DPYD: variants seen among roughly 807,000 people sequenced by gnomAD.
DPYD encodes the protein dihydropyrimidine dehydrogenase.
In DPYD, 109 loss-of-function variants were observed where a neutral mutation model predicts 116.2. That is an observed-to-expected ratio of 0.94 (90% CI 0.80 to 1.10). The LOEUF (loss-of-function observed/expected upper bound fraction) is 1.10, where lower values mean the gene tolerates loss of function less well. Among genes scored for constraint, DPYD ranks in the 50% least tolerant of loss-of-function variants. The probability of loss-of-function intolerance (pLI) is 0.00; values close to 1 mark genes in which losing one functional copy is unlikely to be tolerated. For missense variants in DPYD, 1,302 were observed against 1,254.5 expected (o/e 1.04, Z -0.57); for synonymous variants, 440 against 432.0 (o/e 1.02, Z -0.23).
At chr1:97,604,188 A>G (rs1655434039) in intron 8 of DPYD, among the ~76,000 whole-genome samples, 1 of 152,178 alleles carries the variant, frequency 6.6e-6, no homozygotes, top group South Asian at 2.1e-4. Flanking sequence ...GTTCAGAAGG[A>G]TAAGATCTCT....
At chr1:97,168,187 G>A (rs1291356060) in intron 20 of DPYD, among the ~76,000 whole-genome samples, 8 of 152,124 alleles carry the variant, frequency 5.3e-5, no homozygotes, top group African/African-American at 1.7e-4. Flanking sequence ...AGAATATTAT[G>A]AGGCTTTCTA....
intron 18 of DPYD, among the ~76,000 whole-genome samples, chr1:97,299,998 CAA>C (rs1283995671): frequency 6.6e-6 from 1 of 152,034 alleles, no homozygotes; most frequent in Non-Finnish European, 1.5e-5. Flanking sequence ...CTCTCTCAAC[CAA>C]AGTGATAATT....
chr1:97,101,336 T>C (rs1650666101), intron 20 of DPYD, among the ~76,000 whole-genome samples: 1 of 151,862 alleles, frequency 6.6e-6, no homozygotes, highest in Non-Finnish European at 1.5e-5. Flanking sequence ...GTCCTAAGGC[T>C]ATTTAAGTAC....
At chr1:97,820,296 C>T (rs1668856031) in intron 3 of DPYD, among the ~76,000 whole-genome samples, 1 of 152,114 alleles carries the variant, frequency 6.6e-6, no homozygotes, top group South Asian at 2.1e-4. Context: ...CTAATACACA[C>T]AGACGGGACA....
intron 19 of DPYD, among the ~76,000 whole-genome samples, chr1:97,228,496 A>G (rs999614679): frequency 2.0e-5 from 3 of 152,180 alleles, no homozygotes; most frequent in African/African-American, 7.2e-5. Context: ...TTGAGTGTAA[A>G]TCTTAATTTT....
At chr1:97,141,521 G>T (rs954218188) in intron 20 of DPYD, among the ~76,000 whole-genome samples, 4 of 151,944 alleles carry the variant, frequency 2.6e-5, no homozygotes, top group Non-Finnish European at 5.9e-5. Context: ...TCTCTAAAAG[G>T]TCCATACTCA....
chr1:97,242,110 G>A (rs1392844896), intron 18 of DPYD, among the ~76,000 whole-genome samples: 3 of 104,902 alleles, frequency 2.9e-5, no homozygotes, highest in Non-Finnish European at 5.6e-5. Flanking sequence ...AATTTGCAAC[G>A]TGTGTGTGCG....
At chr1:97,494,487 C>CT (rs1241939786) in intron 13 of DPYD, among the ~76,000 whole-genome samples, 1 of 152,162 alleles carries the variant, frequency 6.6e-6, no homozygotes, top group Non-Finnish European at 1.5e-5. Flanking sequence ...CAATTTCTGT[C>CT]TTTTTCCTCT....
chr1:97,131,270 C>T (rs1408516000), intron 20 of DPYD, among the ~76,000 whole-genome samples: 2 of 152,070 alleles, frequency 1.3e-5, no homozygotes, highest in African/African-American at 2.4e-5. Context: ...TTCATCTATT[C>T]TTAGTGAGTT....
chr1:97,749,699 T>C (rs1313472422), intron 3 of DPYD, among the ~76,000 whole-genome samples: 1 of 152,196 alleles, frequency 6.6e-6, no homozygotes, highest in African/African-American at 2.4e-5. Flanking sequence ...CCAATCATTT[T>C]ATAGTTACCA....
In DPYD at chr1:97,355,111, C is replaced by G. The variant is rs1341946656; in HGVS notation, c.2058+18450G>C. ...TTGGGATATATTTACATCATGATAA[C>G]TATACTTTTATTGCAATCACCTTAA... On this transcript the variant is annotated intron_variant, in intron 16 of 22. Coordinates refer to ENST00000370192, the MANE Select transcript of DPYD (RefSeq NM_000110.4). 2.0e-5 allele frequency among the ~76,000 whole-genome samples: 3 copies of G among 152,062 alleles called. No individual in the cohort carries two copies. In the East Asian group the frequency reaches 5.8e-4, roughly 29 times the overall value.
chr1:97,438,271 T>C (rs1367828587), intron 14 of DPYD, among the ~76,000 whole-genome samples: 1 of 152,056 alleles, frequency 6.6e-6, no homozygotes, highest in Non-Finnish European at 1.5e-5. Context: ...GCTAATATTT[T>C]GATTGGGATT....
intron 16 of DPYD, among the ~76,000 whole-genome samples, chr1:97,331,030 A>T (rs1361587780): frequency 6.6e-6 from 1 of 152,230 alleles, no homozygotes; most frequent in African/African-American, 2.4e-5. Flanking sequence ...GACATATTTC[A>T]TATGATCATT....
chr1:97,540,367 CAAAACAAAACA>C (rs1016311809), intron 12 of DPYD, among the ~76,000 whole-genome samples: 8 of 114,686 alleles, frequency 7.0e-5, no homozygotes, highest in African/African-American at 9.0e-5. Context: ...GGGAACAAAA[CAAAACAAAACA>C]AAACAAAACA....
At chr1:97,546,172 A>G (rs1650841353) in intron 12 of DPYD, 1 of 1,460,296 alleles carries the variant, frequency 6.8e-7, no homozygotes, top group Non-Finnish European at 9.6e-7. Context: ...CAGCCAGCAG[A>G]AGATGGGCAG....
chr1:97,291,353 C>T (rs1254152519), intron 18 of DPYD, among the ~76,000 whole-genome samples: 78 of 151,904 alleles, frequency 5.1e-4, no homozygotes, highest in South Asian at 1.0e-3. Flanking sequence ...ACCCAAAGGA[C>T]TATAAATCAT....
At chr1:97,422,522 G>A (rs1353369160) in intron 14 of DPYD, among the ~76,000 whole-genome samples, 1 of 152,060 alleles carries the variant, frequency 6.6e-6, no homozygotes, top group East Asian at 1.9e-4. Flanking sequence ...ACCTTTTTTA[G>A]AATGTATTTT....
intron 19 of DPYD, among the ~76,000 whole-genome samples, chr1:97,232,697 A>G (rs1306445313): frequency 6.6e-6 from 1 of 151,902 alleles, no homozygotes; most frequent in Non-Finnish European, 1.5e-5. Flanking sequence ...TTTACTATTG[A>G]GCACATCAGC....
At chr1:97,316,607 G>C (rs1332114203) in intron 16 of DPYD, among the ~76,000 whole-genome samples, 1 of 151,110 alleles carries the variant, frequency 6.6e-6, no homozygotes, top group Admixed American at 6.6e-5. Context: ...GGTGTGTTGG[G>C]CCTCCAATGC....
Sources: gnomAD v4.1 joint callset for allele counts (sites outside exome capture counted in the v4.1 genomes callset) on GRCh38, gnomAD v4.1.1 for gene constraint, MANE v1.5 for transcripts, NCBI Gene and HGNC (gene_info 2026-07-23, HGNC 2026-07-21) for gene names.